MSRA: variants seen among roughly 807,000 people sequenced by gnomAD.
The protein encoded by MSRA is methionine sulfoxide reductase A.
A neutral mutation model predicts 31.3 loss-of-function variants in MSRA; 54 were observed. That is an observed-to-expected ratio of 1.73 (90% CI 1.39 to 2.17). MSRA has a LOEUF of 2.17. Among genes scored for constraint, MSRA ranks in the 30% most tolerant of loss-of-function variants. The pLI is 0.00. For synonymous variants in MSRA, 169 were observed against 116.5 expected (o/e 1.45, Z -2.90); for missense variants, 507 against 300.9 (o/e 1.69, Z -5.07).
At chr8:10,365,449 A>G (rs941224216) in intron 5 of MSRA, among the ~76,000 whole-genome samples, 6 of 152,260 alleles carry the variant, frequency 3.9e-5, no homozygotes, top group African/African-American at 1.4e-4. Flanking sequence ...CACTCTATGC[A>G]TCAGGTTTTA....
intron 1 of MSRA, among the ~76,000 whole-genome samples, chr8:10,179,156 C>T (rs1806322828): frequency 6.6e-6 from 1 of 152,168 alleles, no homozygotes; most frequent in African/African-American, 2.4e-5. Context: ...ACAACATTAT[C>T]TTTTAATAAT....
At chr8:10,409,911 T>G (rs1808053359) in intron 5 of MSRA, among the ~76,000 whole-genome samples, 1 of 152,072 alleles carries the variant, frequency 6.6e-6, no homozygotes, top group African/African-American at 2.4e-5. Flanking sequence ...TAAAAAGAAT[T>G]AGCCTGGCAT....
intron 1 of MSRA, among the ~76,000 whole-genome samples, chr8:10,139,135 G>C (rs1463761663): frequency 6.6e-6 from 1 of 152,142 alleles, no homozygotes; most frequent in Non-Finnish European, 1.5e-5. Context: ...AGAATACTGA[G>C]GTTTGAGTTT....
At chr8:10,290,390 C>T (rs556408075) in intron 3 of MSRA, among the ~76,000 whole-genome samples, 1 of 152,150 alleles carries the variant, frequency 6.6e-6, no homozygotes, top group African/African-American at 2.4e-5. Context: ...ATATAGTATG[C>T]CATTTGGCTA....
At chr8:10,221,049 A>G (rs1810448849) in intron 2 of MSRA, among the ~76,000 whole-genome samples, 1 of 152,196 alleles carries the variant, frequency 6.6e-6, no homozygotes, top group African/African-American at 2.4e-5. Flanking sequence ...TCTGCAGTAC[A>G]GATATGCAGT....
intron 5 of MSRA, among the ~76,000 whole-genome samples, chr8:10,416,343 G>A (rs1242521300): frequency 6.6e-6 from 1 of 152,224 alleles, no homozygotes; most frequent in African/African-American, 2.4e-5. Flanking sequence ...GCTGAACTGT[G>A]CTGACTTCCC....
At position 10,428,354 on chromosome 8, in the gene MSRA, G is replaced by A. The variant is rs908168774; in HGVS notation, c.*42G>A. 5.0e-6 allele frequency: 8 copies of A among 1,598,586 alleles called. 1 individual carries two copies. The Middle Eastern group carries it at 1.0e-3, about 200-fold the overall frequency. On this transcript the variant is annotated 3_prime_UTR_variant, in exon 6 of 6. Coordinates refer to ENST00000317173, the MANE Select transcript of MSRA (RefSeq NM_012331.5). ...GGGCCTTTGAGGTTCCAGTAAAAAT[G>A]CTTTCAACAAATTGGGCAATGCTTG...
intron 3 of MSRA, among the ~76,000 whole-genome samples, chr8:10,255,575 T>G (rs1798133439): frequency 6.6e-6 from 1 of 152,078 alleles, no homozygotes; most frequent in African/African-American, 2.4e-5. Flanking sequence ...GAAGGATGGG[T>G]TGACAAAAAG....
chr8:10,265,614 T>G (rs374726128), intron 3 of MSRA, among the ~76,000 whole-genome samples: 1 of 152,172 alleles, frequency 6.6e-6, no homozygotes, highest in African/African-American at 2.4e-5. Context: ...GGGCTGTAAG[T>G]GATCTATATT....
At chr8:10,131,957 T>C (rs1249521283) in intron 1 of MSRA, among the ~76,000 whole-genome samples, 1 of 152,210 alleles carries the variant, frequency 6.6e-6, no homozygotes, top group Non-Finnish European at 1.5e-5. Context: ...GAAGAAGAAC[T>C]GAATGATGTT....
chr8:10,139,426 G>A (rs1316623486), intron 1 of MSRA, among the ~76,000 whole-genome samples: 1 of 152,086 alleles, frequency 6.6e-6, no homozygotes, highest in Non-Finnish European at 1.5e-5. Flanking sequence ...TTTGTTACAT[G>A]GATCTGTTGC....
intron 5 of MSRA, among the ~76,000 whole-genome samples, chr8:10,410,880 G>T (rs894024799): frequency 6.6e-6 from 1 of 152,190 alleles, no homozygotes; most frequent in Non-Finnish European, 1.5e-5. Flanking sequence ...GGGAGTTCCA[G>T]TTCTTCCACT....
chr8:10,143,899 G>A (rs1378005494), intron 1 of MSRA, among the ~76,000 whole-genome samples: 1 of 152,102 alleles, frequency 6.6e-6, no homozygotes, highest in Non-Finnish European at 1.5e-5. Context: ...CATCGATTTT[G>A]TAGATTCTTG....
chr8:10,107,759 T>C (rs763449754), intron 1 of MSRA, among the ~76,000 whole-genome samples: 5 of 152,202 alleles, frequency 3.3e-5, no homozygotes, highest in Non-Finnish European at 7.3e-5. Flanking sequence ...GACAGTAGTT[T>C]ACCGTGGTGA....
At chr8:10,401,587 A>G (rs962458295) in intron 5 of MSRA, among the ~76,000 whole-genome samples, 1 of 152,222 alleles carries the variant, frequency 6.6e-6, no homozygotes, top group African/African-American at 2.4e-5. Context: ...AATTGAAAGC[A>G]GGGATTCAAA....
intron 1 of MSRA, among the ~76,000 whole-genome samples, chr8:10,133,709 G>C (rs1802064779): frequency 6.6e-6 from 1 of 152,220 alleles, no homozygotes; most frequent in Admixed American, 6.5e-5. Context: ...TGGCACAGGG[G>C]AAGTGCTCAG....
chr8:10,161,553 T>A (rs552931167), intron 1 of MSRA, among the ~76,000 whole-genome samples: 23 of 152,306 alleles, frequency 1.5e-4, no homozygotes, highest in African/African-American at 5.5e-4. Flanking sequence ...GGGAAATGCT[T>A]TGGTCTCTTA....
chr8:10,189,077 T>G (rs184353365), intron 1 of MSRA, among the ~76,000 whole-genome samples: 1,851 of 152,330 alleles, frequency 0.012, 19 homozygotes, highest in Non-Finnish European at 0.018. Flanking sequence ...CAGACCTTAC[T>G]GACATTTTAT....
chr8:10,378,826 G>A (rs1391665865), intron 5 of MSRA, among the ~76,000 whole-genome samples: 1 of 152,230 alleles, frequency 6.6e-6, no homozygotes, highest in African/African-American at 2.4e-5. Flanking sequence ...GGCACACTAA[G>A]ATGTGAGAGC....
Sources: allele counts gnomAD v4.1 joint callset (sites outside exome capture counted in the v4.1 genomes callset), GRCh38; gene constraint gnomAD v4.1.1; transcripts MANE v1.5; gene names NCBI Gene and HGNC (gene_info 2026-07-23, HGNC 2026-07-21).